Variants in ENAH observed in about 807,000 individuals in gnomAD.
ENAH encodes protein enabled homolog.
ENAH carries 23 observed loss-of-function variants against 78.7 expected under a neutral mutation model. The ratio of observed to expected loss-of-function variants is 0.29; its 90% CI spans 0.21 to 0.41. The LOEUF is 0.41. Among genes scored for constraint, ENAH ranks in the 10% least tolerant of loss-of-function variants. The probability of loss-of-function intolerance (pLI) is 1.00; values close to 1 mark genes in which losing one functional copy is unlikely to be tolerated. For synonymous variants in ENAH, 226 were observed against 241.0 expected (o/e 0.94, Z 0.58); for missense variants, 544 against 691.0 (o/e 0.79, Z 2.39).
chr1:225,517,953 A>G, intron 5 of ENAH: 1 of 1,547,532 alleles, frequency 6.5e-7, no homozygotes. Flanking sequence ...AATACTCAGG[A>G]AGTGGAGCGT....
At chr1:225,506,235 T>A (rs1001607088) in intron 11 of ENAH, among the ~76,000 whole-genome samples, 7 of 152,188 alleles carry the variant, frequency 4.6e-5, no homozygotes, top group African/African-American at 1.7e-4. Flanking sequence ...GTCTGCAGAC[T>A]GGAGTGCAAT....
chr1:225,497,121 A>T lies in ENAH; in HGVS notation c.*654T>A, dbSNP rs1382635731. 1.3e-5 allele frequency: 2 copies of T among 152,648 alleles called. No homozygotes were observed. The highest frequency in any genetic ancestry group is 3.9e-4 in the East Asian group (2 of 5,194). The allele number at this position is 152,648 out of a possible 1,614,324, so 9.5% of individuals were successfully genotyped here. A position where few individuals can be genotyped will look rare whatever the true frequency, so the allele number is the denominator to read the frequency against. On this transcript the variant is annotated 3_prime_UTR_variant, in exon 14 of 14. Coordinates refer to ENST00000366843, the MANE Select transcript of ENAH (RefSeq NM_018212.6). ...GACAAATTTTATGTTTTAATCTACA[A>T]AATTGCATGAAGGCTAACTCGAGAA...
chr1:225,611,985 T>G (rs552957585), intron 1 of ENAH, among the ~76,000 whole-genome samples: 2 of 152,242 alleles, frequency 1.3e-5, no homozygotes, highest in Non-Finnish European at 2.9e-5. Context: ...CTGGTGAGAA[T>G]GTGAAATCAC....
At chr1:225,588,686 T>C (rs985015873) in intron 1 of ENAH, among the ~76,000 whole-genome samples, 2 of 151,420 alleles carry the variant, frequency 1.3e-5, no homozygotes, top group African/African-American at 2.4e-5. Context: ...CGCATGCCTG[T>C]AGTCCCAGCT....
chr1:225,517,333 G>T, intron 5 of ENAH, 27 bp from the exon 6 acceptor site: 1 of 1,551,698 alleles, frequency 6.4e-7, no homozygotes, highest in Non-Finnish European at 8.7e-7. Flanking sequence ...GAGAACACTA[G>T]GCTTGGATGA....
intron 1 of ENAH, among the ~76,000 whole-genome samples, chr1:225,572,494 A>G (rs2096768182): frequency 1.3e-5 from 2 of 152,222 alleles, no homozygotes; most frequent in African/African-American, 2.4e-5. Context: ...CTTTCTAGAC[A>G]ATTCCCTCTA....
chr1:225,555,200 T>C, intron 2 of ENAH, 117 bp from the exon 3 acceptor site: 1 of 804,388 alleles, frequency 1.2e-6, no homozygotes, highest in Non-Finnish European at 1.8e-6. Flanking sequence ...TTGGCAAAAA[T>C]TGCTTAAACA....
intron 6 of ENAH, 128 bp downstream of exon 6, chr1:225,517,067 AG>A (rs1293995711): frequency 1.0e-5 from 6 of 593,692 alleles, no homozygotes; most frequent in Non-Finnish European, 7.7e-6. Context: ...AAAAAAAAAA[AG>A]CATGGCATTA....
intron 1 of ENAH, among the ~76,000 whole-genome samples, chr1:225,586,534 A>G (rs1232780086): frequency 6.6e-6 from 1 of 152,208 alleles, no homozygotes; most frequent in Non-Finnish European, 1.5e-5. Context: ...CAAAGATATT[A>G]CAAATAAAGA....
rs752923848 is a variant in ENAH at position 225,498,384 on chromosome 1, T to C, written c.1638A>G (p.Arg546=). The C allele has an allele frequency of 6.3e-7, 1 of 1,592,898 alleles. No homozygotes were observed. Among genetic ancestry groups the C allele is most frequent in the Admixed American group, 1.7e-5 (1 of 58,888 alleles). The change falls in exon 13 of 14, where the codon AGA becomes AGG. Residue 546 remains arginine (R), a synonymous_variant. Transcript: ENST00000366843. The part of the protein sequence containing the change: ...RLKQDILDEM[R]KELTKLKEEL... ...CTTCTTTTAGCTTTGTTAATTCTTT[T>C]CTCATTTCATCTAAAATGTCCTAAA...
Position 225,505,052 on chromosome 1 carries a change from G to A in ENAH, c.1538+2899C>T, listed in dbSNP as rs751822086. On this transcript the variant is annotated intron_variant, in intron 11 of 13. Coordinates refer to ENST00000366843, the MANE Select transcript of ENAH (RefSeq NM_018212.6). ...ATCTGATTTTTCCTTGGAGAATCCC[G>A]TCTATGAAGGGGAAAACCATTGAAA... 3.3e-5 allele frequency: 53 copies of A among 1,608,460 alleles called. No individual in the cohort carries two copies. The highest frequency in any genetic ancestry group is 4.2e-5 in the Non-Finnish European group (49 of 1,175,410).
chr1:225,632,710 C>A (rs1659315952), intron 1 of ENAH, among the ~76,000 whole-genome samples: 1 of 152,224 alleles, frequency 6.6e-6, no homozygotes, highest in African/African-American at 2.4e-5. Context: ...AGGCTGGCAT[C>A]TTTGGATTAC....
intron 1 of ENAH, among the ~76,000 whole-genome samples, chr1:225,595,319 C>T (rs541793955): frequency 2.7e-5 from 4 of 150,700 alleles, no homozygotes; most frequent in Non-Finnish European, 5.9e-5. Flanking sequence ...GGCAACAGAG[C>T]GAGACTCTGT....
intron 6 of ENAH, among the ~76,000 whole-genome samples, 177 bp downstream of exon 6, chr1:225,517,019 C>T (rs1332930828): frequency 1.3e-5 from 2 of 150,170 alleles, no homozygotes; most frequent in Non-Finnish European, 3.0e-5. Context: ...ATTAATCCAA[C>T]AGGAAAAACA....
intron 1 of ENAH, among the ~76,000 whole-genome samples, chr1:225,631,055 G>A (rs1287092482): frequency 1.3e-5 from 2 of 152,130 alleles, no homozygotes; most frequent in Non-Finnish European, 2.9e-5. Context: ...TTAAATGCTT[G>A]TTTTAAAATA....
chr1:225,583,761 T>C (rs1256603533), intron 1 of ENAH, among the ~76,000 whole-genome samples: 3 of 149,778 alleles, frequency 2.0e-5, no homozygotes, highest in Admixed American at 1.3e-4. Flanking sequence ...TGAGCCCAGA[T>C]TGCACCACTG....
chr1:225,581,700 G>T (rs2096818930), intron 1 of ENAH, among the ~76,000 whole-genome samples: 1 of 151,762 alleles, frequency 6.6e-6, no homozygotes, highest in South Asian at 2.1e-4. Context: ...AAATTAAAAA[G>T]AATTTTTTTC....
At chr1:225,626,281 G>A (rs1238240214) in intron 1 of ENAH, among the ~76,000 whole-genome samples, 3 of 152,130 alleles carry the variant, frequency 2.0e-5, no homozygotes, top group Admixed American at 2.0e-4. Flanking sequence ...AAAAAATCTT[G>A]TCTGATAAAC....
rs530010789 is a variant in ENAH at position 225,521,706 on chromosome 1, T to C, written c.435-2141A>G. On this transcript the variant is annotated intron_variant, in intron 4 of 13. Coordinates refer to ENST00000366843, the MANE Select transcript of ENAH (RefSeq NM_018212.6). ...GTATTTCATAGCACTGTGGGGAAGA[T>C]TAAATGAAGTAATACCTAAAAGCTC... Among the ~76,000 whole-genome samples the C allele has an allele frequency of 7.2e-5, 11 of 151,804 alleles. No individual in the cohort carries two copies. The South Asian group carries it at 2.3e-3, about 32-fold the overall frequency.
Sources: gnomAD v4.1 joint callset for allele counts (sites outside exome capture counted in the v4.1 genomes callset) on GRCh38, gnomAD v4.1.1 for gene constraint, MANE v1.5 for transcripts, NCBI Gene and HGNC (gene_info 2026-07-23, HGNC 2026-07-21) for gene names.